The following GLYR1 variants were observed in gnomAD, a reference collection of about 807,000 sequenced individuals.
GLYR1 encodes the protein glyoxylate reductase 1 homolog, also known as cytokine-like nuclear factor N-PAC.
In GLYR1, 21 loss-of-function variants were observed where a neutral mutation model predicts 72.7. That is an observed-to-expected ratio of 0.29 (90% confidence interval 0.20 to 0.42). The LOEUF is 0.42. Among genes scored for constraint, GLYR1 ranks in the 10% least tolerant of loss-of-function variants. The pLI, the probability that GLYR1 is intolerant of heterozygous loss-of-function variation, is 1.00. For missense variants in GLYR1, 594 were observed against 712.1 expected (o/e 0.83, Z 1.89); for synonymous variants, 392 against 270.2 (o/e 1.45, Z -4.42).
At chr16:4,842,912 C>G (rs960135452) in intron 3 of GLYR1, among the ~76,000 whole-genome samples, 2 of 151,932 alleles carry the variant, frequency 1.3e-5, no homozygotes, top group African/African-American at 4.8e-5. Flanking sequence ...GTTGGCCAGG[C>G]TGTTCTCAAA....
At chr16:4,813,924 G>A in intron 11 of GLYR1, 86 bp from the exon 12 acceptor site, 1 of 1,000,702 alleles carries the variant, frequency 1.0e-6, no homozygotes, top group Non-Finnish European at 1.4e-6. Context: ...GAATCCTGCT[G>A]CTGTTTTGGC....
chr16:4,804,315 A>C lies in GLYR1; in HGVS notation c.*921T>G, dbSNP rs941474429. The C allele has an allele frequency of 6.5e-6, 1 of 152,826 alleles. No individual in the cohort carries two copies. The highest frequency in any genetic ancestry group is 1.5e-5 in the Non-Finnish European group (1 of 68,254). 9.5% of individuals were successfully genotyped at this position (152,826 alleles called of 1,614,324 possible). On this transcript the variant is annotated 3_prime_UTR_variant, in exon 16 of 16. Coordinates refer to ENST00000321919, the MANE Select transcript of GLYR1 (RefSeq NM_032569.4). ...AAGAGTGGCTCTTCAGAGCCAGGTG[A>C]AGAGTCTGTGGCCTAACGGAAACAG...
Position 4,844,973 on chromosome 16 carries a change from G to A in GLYR1, c.155+101C>T, listed in dbSNP as rs914297864. 3.8e-6 allele frequency: 3 copies of A among 791,160 alleles called. No individual in the cohort carries two copies. The East Asian group carries it at 7.4e-5, about 19-fold the overall frequency. 49.0% of individuals were successfully genotyped at this position (791,160 alleles called of 1,614,324 possible). A position where few individuals can be genotyped will look rare whatever the true frequency, so the allele number is the denominator to read the frequency against. On this transcript the variant is annotated intron_variant, in intron 3 of 15. Coordinates refer to ENST00000321919, the MANE Select transcript of GLYR1 (RefSeq NM_032569.4). ...GAGATGCCAGTATTACACATTATAA[G>A]AAGACTGAACTAAGGATCCTTAGAA... is the stretch of plus-strand genomic sequence containing the variant.
At position 4,811,606 on chromosome 16, in the gene GLYR1, G is replaced by T. The variant is rs752812369; in HGVS notation, c.1462+17C>A. ...ATCAAACACCAAATGCAAGAAGAGG[G>T]GCCAAAAACAACTCACTTTGGCACT... is the stretch of plus-strand genomic sequence containing the variant. On this transcript the variant is annotated intron_variant, in intron 14 of 15. Transcript: ENST00000321919. 12 of 1,612,536 alleles carry T rather than the reference G, an allele frequency of 7.4e-6. No individual in the cohort carries two copies. The highest frequency in any genetic ancestry group is 1.0e-5 in the Non-Finnish European group (12 of 1,179,832).
intron 9 of GLYR1, 168 bp downstream of exon 9, chr16:4,821,209 ACAG>A (rs1190704011): frequency 1.5e-6 from 1 of 682,036 alleles, no homozygotes; most frequent in Non-Finnish European, 2.5e-6. Flanking sequence ...ACAGATTTAC[ACAG>A]CTTTTGACTC....
At chr16:4,829,448 G>A (rs2084643205) in intron 5 of GLYR1, among the ~76,000 whole-genome samples, 1 of 151,732 alleles carries the variant, frequency 6.6e-6, no homozygotes, top group African/African-American at 2.4e-5. Flanking sequence ...TGGGACTACA[G>A]GTGTGTACCA....
intron 15 of GLYR1, among the ~76,000 whole-genome samples, chr16:4,807,107 CT>C (rs765039360): frequency 0.12 from 12,987 of 110,632 alleles, 617 homozygotes; most frequent in Admixed American, 0.2. Flanking sequence ...CGCCTGGCCC[CT>C]TTTTTTTTTT....
At chr16:4,841,457 C>CAAAAAAAAAAA (rs1160441336) in intron 3 of GLYR1, among the ~76,000 whole-genome samples, 6 of 31,942 alleles carry the variant, frequency 1.9e-4, no homozygotes, top group Non-Finnish European at 3.5e-4. Context: ...CTTGTCTCTA[C>CAAAAAAAAAAA]AAAAAAAAAA....
Position 4,813,751 on chromosome 16 carries a change from T to C in GLYR1, c.1105A>G (p.Thr369Ala), listed in dbSNP as rs1943773454. ...DMSTVDADTVTELAQVIVSRG... is the reference protein window; with the variant it reads ...DMSTVDADTVAELAQVIVSRG... ...AAGGCTGCTACCTGGGCCAGCTCAG[T>C]GACGGTGTCAGCGTCCACTGTTGAC... is the stretch of plus-strand genomic sequence containing the variant. The change falls in exon 12 of 16, where the codon ACT becomes GCT. Residue 369 changes from threonine (T) to alanine (A), a missense_variant. Coordinates refer to ENST00000321919, the MANE Select transcript of GLYR1 (RefSeq NM_032569.4). 1 of 1,606,544 alleles carries C rather than the reference T, an allele frequency of 6.2e-7. No individual in the cohort carries two copies. Among genetic ancestry groups the C allele is most frequent in the Admixed American group, 1.7e-5 (1 of 58,856 alleles).
chr16:4,809,590 T>C (rs11865805), intron 15 of GLYR1, among the ~76,000 whole-genome samples: 68,905 of 137,140 alleles, frequency 0.5, 16,984 homozygotes, highest in Admixed American at 0.58. Context: ...CCAGCTTGGG[T>C]GACAGAGCGA....
Position 4,827,001 on chromosome 16 carries a change from C to T in GLYR1, c.538-3094G>A, listed in dbSNP as rs556284242. 3.5e-4 allele frequency among the ~76,000 whole-genome samples: 53 copies of T among 152,350 alleles called. 1 individual carries two copies. Among genetic ancestry groups the T allele is most frequent in the Non-Finnish European group, 5.9e-5 (4 of 68,032 alleles). On this transcript the variant is annotated intron_variant, in intron 5 of 15. Transcript: ENST00000321919. ...TGGGAGAGTCACAGAACTAACAGCG[C>T]TACTTTGATCTGGGTGGGCTGTGCC... is the stretch of plus-strand genomic sequence containing the variant.
chr16:4,807,273 G>T (rs1034801316), intron 15 of GLYR1, among the ~76,000 whole-genome samples: 3 of 151,682 alleles, frequency 2.0e-5, no homozygotes, highest in Admixed American at 1.3e-4. Flanking sequence ...CACTATGCCC[G>T]GCTAATTTTT....
In GLYR1 at chr16:4,821,346, G is replaced by C; in HGVS notation, c.806+34C>G. The C allele has an allele frequency of 3.7e-6, 6 of 1,609,110 alleles. No homozygotes were observed. The South Asian group carries it at 5.5e-5, about 15-fold the overall frequency. On this transcript the variant is annotated intron_variant, in intron 9 of 15. Coordinates refer to ENST00000321919, the MANE Select transcript of GLYR1 (RefSeq NM_032569.4). ...CTTCTCCCCACCCTCAGCAGAACCA[G>C]AGCCACTGGAGGCCTTTTCATCAAA... is the stretch of plus-strand genomic sequence containing the variant.
At chr16:4,805,604 G>A (rs1484946742) in intron 15 of GLYR1, among the ~76,000 whole-genome samples, 3 of 152,338 alleles carry the variant, frequency 2.0e-5, no homozygotes, top group East Asian at 1.9e-4. Flanking sequence ...TGCCTGTAAG[G>A]CCGAGGTGGG....
intron 10 of GLYR1, among the ~76,000 whole-genome samples, chr16:4,815,973 G>A (rs1373740197): frequency 6.6e-6 from 1 of 151,892 alleles, no homozygotes; most frequent in Non-Finnish European, 1.5e-5. Flanking sequence ...AGTAGAGACG[G>A]GGTTTCACCG....
intron 3 of GLYR1, among the ~76,000 whole-genome samples, chr16:4,836,966 C>G (rs1179177157): frequency 6.6e-6 from 1 of 152,132 alleles, no homozygotes; most frequent in Non-Finnish European, 1.5e-5. Flanking sequence ...CATAACTGCA[C>G]CTGTAACACA....
intron 3 of GLYR1, among the ~76,000 whole-genome samples, chr16:4,834,075 A>G (rs1249271983): frequency 6.6e-6 from 1 of 152,216 alleles, no homozygotes; most frequent in Non-Finnish European, 1.5e-5. Context: ...ACATAAAAAT[A>G]ATGTTACTAA....
At chr16:4,808,280 T>C (rs141918489) in intron 15 of GLYR1, among the ~76,000 whole-genome samples, 1 of 147,000 alleles carries the variant, frequency 6.8e-6, no homozygotes, top group East Asian at 2.0e-4. Flanking sequence ...CAGAGAATTA[T>C]ACTATGAAAA....
intron 15 of GLYR1, among the ~76,000 whole-genome samples, chr16:4,809,847 T>C (rs2083224734): frequency 6.6e-6 from 1 of 150,936 alleles, no homozygotes; most frequent in Admixed American, 6.6e-5. Context: ...TCGCTTGAAC[T>C]TGGGAGGCAG....
Sources: gnomAD v4.1 joint callset for allele counts (sites outside exome capture counted in the v4.1 genomes callset) on GRCh38, gnomAD v4.1.1 for gene constraint, MANE v1.5 for transcripts, NCBI Gene and HGNC (gene_info 2026-07-23, HGNC 2026-07-21) for gene names.